Variants in GPM6A observed in about 807,000 individuals in gnomAD.
GPM6A encodes neuronal membrane glycoprotein M6-a.
A neutral mutation model predicts 32.1 loss-of-function variants in GPM6A; 7 were observed. The observed-to-expected ratio is 0.22, with a 90% CI of 0.12 to 0.41. GPM6A has a LOEUF of 0.41. Among genes scored for constraint, GPM6A ranks in the 10% least tolerant of loss-of-function variants. GPM6A has a pLI of 1.00. For missense variants in GPM6A, 235 were observed against 347.2 expected (o/e 0.68, Z 2.57); for synonymous variants, 130 against 123.4 (o/e 1.05, Z -0.35).
chr4:175,843,755 G>T (rs1560961073), intron 1 of GPM6A, among the ~76,000 whole-genome samples: 1 of 152,160 alleles, frequency 6.6e-6, no homozygotes. Context: ...CACTTCTTGA[G>T]ATAATCGCTT....
intron 2 of GPM6A, among the ~76,000 whole-genome samples, chr4:175,681,409 G>A (rs1303266359): frequency 6.6e-6 from 1 of 152,042 alleles, no homozygotes; most frequent in Non-Finnish European, 1.5e-5. Flanking sequence ...GTCTATTCAT[G>A]TGTTTGCCAT....
intron 2 of GPM6A, among the ~76,000 whole-genome samples, chr4:175,694,177 T>C (rs768630657): frequency 2.0e-5 from 3 of 152,182 alleles, no homozygotes; most frequent in Non-Finnish European, 2.9e-5. Context: ...TATTTCTTTA[T>C]AGCAGTGTGA....
At chr4:175,786,361 CCTT>C (rs946814990) in intron 1 of GPM6A, among the ~76,000 whole-genome samples, 5 of 150,520 alleles carry the variant, frequency 3.3e-5, no homozygotes, top group Admixed American at 6.6e-5. Flanking sequence ...TCCAAATTAC[CCTT>C]CTTCTCTCCC....
chr4:175,786,086 A>G (rs1733786765), intron 1 of GPM6A, among the ~76,000 whole-genome samples: 1 of 152,154 alleles, frequency 6.6e-6, no homozygotes, highest in South Asian at 2.1e-4. Context: ...AACTCACAGG[A>G]TATTGCTGGA....
At chr4:175,871,862 T>C (rs1736921450) in intron 1 of GPM6A, among the ~76,000 whole-genome samples, 2 of 152,320 alleles carry the variant, frequency 1.3e-5, no homozygotes, top group Middle Eastern at 3.4e-3. Context: ...AAAATTTTAT[T>C]TCTTTTTTTT....
intron 1 of GPM6A, among the ~76,000 whole-genome samples, chr4:175,993,843 T>C (rs973743008): frequency 1.3e-5 from 2 of 152,118 alleles, no homozygotes; most frequent in Non-Finnish European, 2.9e-5. Context: ...CAGAGAGACA[T>C]AAAAGAAAGG....
chr4:175,799,614 GT>G (rs1734380539), intron 1 of GPM6A, among the ~76,000 whole-genome samples: 6 of 151,590 alleles, frequency 4.0e-5, no homozygotes, highest in African/African-American at 1.5e-4. Flanking sequence ...GAAGACTGAG[GT>G]ATAACAGACA....
chr4:175,965,217 G>A (rs1740296720), intron 1 of GPM6A, among the ~76,000 whole-genome samples: 2 of 152,040 alleles, frequency 1.3e-5, no homozygotes, highest in South Asian at 4.2e-4. Context: ...AACAAAGTAT[G>A]CTCTCAGACC....
intron 1 of GPM6A, among the ~76,000 whole-genome samples, chr4:175,849,500 C>A (rs535699557): frequency 6.6e-6 from 1 of 152,230 alleles, no homozygotes; most frequent in South Asian, 2.1e-4. Context: ...CAAAAATAAT[C>A]CATGGACATG....
chr4:175,896,060 C>T (rs1190951445), intron 1 of GPM6A, among the ~76,000 whole-genome samples: 4 of 152,064 alleles, frequency 2.6e-5, no homozygotes, highest in African/African-American at 7.2e-5. Context: ...AATAAAAAAG[C>T]GTGAACCACA....
intron 1 of GPM6A, among the ~76,000 whole-genome samples, chr4:175,773,491 A>G (rs991828466): frequency 2.0e-5 from 3 of 152,204 alleles, no homozygotes. Flanking sequence ...CTAAAAAAGG[A>G]TGATTCTCAA....
At chr4:175,825,068 T>A (rs1318463946) in intron 1 of GPM6A, among the ~76,000 whole-genome samples, 1 of 152,226 alleles carries the variant, frequency 6.6e-6, no homozygotes, top group African/African-American at 2.4e-5. Context: ...TTCTAGATAC[T>A]TTTTGAGGCA....
intron 2 of GPM6A, among the ~76,000 whole-genome samples, chr4:175,694,059 T>C (rs1442913771): frequency 1.3e-5 from 2 of 152,112 alleles, no homozygotes; most frequent in African/African-American, 4.8e-5. Flanking sequence ...ATTGTGAGTT[T>C]CCTGAGGCCT....
chr4:175,799,501 T>C (rs1734375023), intron 1 of GPM6A, among the ~76,000 whole-genome samples: 1 of 151,928 alleles, frequency 6.6e-6, no homozygotes, highest in Non-Finnish European at 1.5e-5. Context: ...CTTATAAGAA[T>C]AGAGATTGAT....
At chr4:175,766,747 C>G (rs1159371123) in intron 1 of GPM6A, among the ~76,000 whole-genome samples, 1 of 151,346 alleles carries the variant, frequency 6.6e-6, no homozygotes, top group Non-Finnish European at 1.5e-5. Flanking sequence ...CTCCACCTCC[C>G]AGGTTCAAGC....
At chr4:175,761,231 T>C (rs1047238179) in intron 1 of GPM6A, among the ~76,000 whole-genome samples, 2 of 152,088 alleles carry the variant, frequency 1.3e-5, no homozygotes, top group African/African-American at 4.8e-5. Flanking sequence ...TTCAAGTGAT[T>C]CTCCTACCTC....
intron 1 of GPM6A, among the ~76,000 whole-genome samples, chr4:175,818,987 A>T (rs1300586413): frequency 3.3e-5 from 5 of 152,222 alleles, no homozygotes; most frequent in Non-Finnish European, 7.3e-5. Flanking sequence ...TAGAAAGATC[A>T]GTTCTAAGTA....
intron 1 of GPM6A, among the ~76,000 whole-genome samples, chr4:175,766,652 T>A (rs1449852965): frequency 1.4e-5 from 2 of 147,920 alleles, no homozygotes; most frequent in African/African-American, 2.5e-5. Context: ...CTCCACTTAC[T>A]CTTTTTTTTT....
chr4:175,935,648 G>C (rs948966562), intron 1 of GPM6A, among the ~76,000 whole-genome samples: 1 of 151,794 alleles, frequency 6.6e-6, no homozygotes, highest in Non-Finnish European at 1.5e-5. Flanking sequence ...TTTAATACAA[G>C]GAATAAAATG....
Sources: allele counts gnomAD v4.1 joint callset (sites outside exome capture counted in the v4.1 genomes callset), GRCh38; gene constraint gnomAD v4.1.1; transcripts MANE v1.5; gene names NCBI Gene and HGNC (gene_info 2026-07-23, HGNC 2026-07-21).